The following LRP5 variants were observed in gnomAD, a reference collection of about 807,000 sequenced individuals.
LRP5 encodes the protein LDL receptor related protein 5.
In LRP5, 62 loss-of-function variants were observed where a neutral mutation model predicts 154.1. The ratio of observed to expected loss-of-function variants is 0.40; its 90% confidence interval spans 0.33 to 0.50. The LOEUF (loss-of-function observed/expected upper bound fraction) is 0.50, where lower values mean the gene tolerates loss of function less well. Ranked by LOEUF, LRP5 falls within the 20% of genes least tolerant of loss-of-function variation. The pLI is 0.55. For missense variants in LRP5, 1,915 were observed against 2,336.7 expected (o/e 0.82, Z 3.72); for synonymous variants, 966 against 1,011.5 (o/e 0.96, Z 0.85).
chr11:68,444,257 G>A (rs2153184244), intron 21 of LRP5, among the ~76,000 whole-genome samples: 1 of 152,250 alleles, frequency 6.6e-6, no homozygotes, highest in African/African-American at 2.4e-5. Flanking sequence ...GCTCACACCT[G>A]TCATCCCAGC....
At chr11:68,340,964 G>A (rs1289600178) in intron 1 of LRP5, among the ~76,000 whole-genome samples, 2 of 150,262 alleles carry the variant, frequency 1.3e-5, no homozygotes, top group Non-Finnish European at 3.0e-5. Flanking sequence ...CATGTCGAAC[G>A]TTTTGTTGTT....
chr11:68,420,520 C>A (rs1265601851), intron 13 of LRP5, among the ~76,000 whole-genome samples: 1 of 152,092 alleles, frequency 6.6e-6, no homozygotes, highest in Non-Finnish European at 1.5e-5. Context: ...GCCTGGCCAA[C>A]ATAGTGAAAC....
Position 68,423,072 on chromosome 11 carries a change from C to T in LRP5, c.3028-417C>T, listed in dbSNP as rs1022022974. ...GGAGACAGGGATGTGTTGGGAAGGG[C>T]CCCATGGTCTTGGATCCCTTCTCGA... On this transcript the variant is annotated intron_variant, in intron 13 of 22. Transcript: ENST00000294304. The surrounding 1 kb of genome is among the most constrained non-coding windows in gnomAD (Gnocchi z 4.7). Among the ~76,000 whole-genome samples the T allele has an allele frequency of 2.0e-5, 3 of 152,162 alleles. No homozygotes were observed. Among genetic ancestry groups the T allele is most frequent in the African/African-American group, 7.2e-5 (3 of 41,446 alleles).
At chr11:68,337,717 T>C (rs1461602639) in intron 1 of LRP5, among the ~76,000 whole-genome samples, 2 of 151,286 alleles carry the variant, frequency 1.3e-5, no homozygotes, top group Non-Finnish European at 3.0e-5. Flanking sequence ...TAGTCAGGTC[T>C]ACCTCCTCCA....
chr11:68,375,671 CGG>C (rs1364275926), intron 5 of LRP5, among the ~76,000 whole-genome samples: 1 of 152,232 alleles, frequency 6.6e-6, no homozygotes, highest in Admixed American at 6.5e-5. Flanking sequence ...TGGGAGAGTT[CGG>C]TAACACCTTC....
intron 1 of LRP5, among the ~76,000 whole-genome samples, chr11:68,319,516 A>ATTT (rs1006376015): frequency 2.7e-4 from 38 of 139,730 alleles, no homozygotes; most frequent in Non-Finnish European, 5.7e-4. Context: ...TGCCCAGCCT[A>ATTT]TTTTATTATT....
Position 68,386,760 on chromosome 11 carries a change from C to T in LRP5, c.1412+48C>T, listed in dbSNP as rs73513071. ...CCTGGAGCCAGGGCCAGGCCAAGCA[C>T]AGGCGAGAGGGAGATTGACCTGGAC... is the stretch of plus-strand genomic sequence containing the variant. On this transcript the variant is annotated intron_variant, in intron 6 of 22. Coordinates refer to ENST00000294304, the MANE Select transcript of LRP5 (RefSeq NM_002335.4). The surrounding 1 kb of genome is among the most constrained non-coding windows in gnomAD (Gnocchi z 7.9). 4 of 1,586,538 alleles carry T rather than the reference C, an allele frequency of 2.5e-6. No homozygotes were observed. The highest frequency in any genetic ancestry group is 3.4e-6 in the Non-Finnish European group (4 of 1,164,362).
intron 1 of LRP5, among the ~76,000 whole-genome samples, chr11:68,324,098 C>T (rs1178680947): frequency 3.3e-5 from 5 of 152,310 alleles, no homozygotes; most frequent in African/African-American, 4.8e-5. Context: ...CCGTCCGCTG[C>T]GTCTGCCTCT....
At chr11:68,360,780 G>A (rs1054358041) in intron 3 of LRP5, among the ~76,000 whole-genome samples, 64 of 152,016 alleles carry the variant, frequency 4.2e-4, no homozygotes, top group Admixed American at 9.8e-4. Context: ...GGCGGATTAC[G>A]AGGTCAGGAG....
intron 4 of LRP5, among the ~76,000 whole-genome samples, chr11:68,364,991 T>C (rs1244325143): frequency 6.6e-6 from 1 of 152,204 alleles, no homozygotes; most frequent in African/African-American, 2.4e-5. Flanking sequence ...CAATTGCTGT[T>C]GGTCATAGAA....
intron 5 of LRP5, among the ~76,000 whole-genome samples, chr11:68,385,733 G>A (rs1431381720): frequency 2.6e-5 from 4 of 152,076 alleles, no homozygotes; most frequent in East Asian, 1.9e-4. Flanking sequence ...CAAAGAGGGC[G>A]ATTCACTTGA....
chr11:68,425,706 A>G (rs886924471), intron 15 of LRP5, among the ~76,000 whole-genome samples: 1 of 151,918 alleles, frequency 6.6e-6, no homozygotes, highest in African/African-American at 2.4e-5. Flanking sequence ...GGGTGAAGGG[A>G]GGGGCCATGC....
At chr11:68,414,960 G>A (rs935433408) in intron 12 of LRP5, among the ~76,000 whole-genome samples, 2 of 152,240 alleles carry the variant, frequency 1.3e-5, no homozygotes, top group African/African-American at 2.4e-5. Context: ...AAATGGAGGT[G>A]CAGGTAACCC....
chr11:68,381,044 G>T (rs1480121249), intron 5 of LRP5, among the ~76,000 whole-genome samples: 4 of 152,202 alleles, frequency 2.6e-5, no homozygotes, highest in African/African-American at 9.6e-5. Flanking sequence ...CCACGGTGCT[G>T]GTGTCCTCAT....
chr11:68,299,231 G>T, the LRP5 span, among the ~76,000 whole-genome samples: 1 of 152,194 alleles, frequency 6.6e-6, no homozygotes, highest in Non-Finnish European at 1.5e-5. Context: ...TGGAGGGAAG[G>T]GGCACGTGGA....
At chr11:68,409,063 A>ATATATAT (rs1318843298) in intron 9 of LRP5, among the ~76,000 whole-genome samples, 2 of 27,002 alleles carry the variant, frequency 7.4e-5, no homozygotes, top group East Asian at 6.4e-4. Flanking sequence ...AAAAAAAAAA[A>ATATATAT]AAAAAAAAAA....
chr11:68,325,403 A>T (rs2098599082), intron 1 of LRP5, among the ~76,000 whole-genome samples: 1 of 152,108 alleles, frequency 6.6e-6, no homozygotes. Flanking sequence ...GTTAGTGTGA[A>T]GAGGAGGGGT....
intron 19 of LRP5, among the ~76,000 whole-genome samples, chr11:68,437,877 G>C (rs971604785): frequency 6.6e-6 from 1 of 152,264 alleles, no homozygotes; most frequent in Non-Finnish European, 1.5e-5. Flanking sequence ...CGCCGCCAGA[G>C]CCCGCACGCT....
At chr11:68,312,299 C>T (rs1180335799), upstream of LRP5, among the ~76,000 whole-genome samples, 1 of 151,932 alleles carries the variant, frequency 6.6e-6, no homozygotes, top group African/African-American at 2.4e-5. Flanking sequence ...GCCTCAGTTT[C>T]CCCACTCATA....
Sources: allele counts gnomAD v4.1 joint callset (sites outside exome capture counted in the v4.1 genomes callset), GRCh38; gene constraint gnomAD v4.1.1; non-coding constraint Gnocchi (gnomAD v3.1); transcripts MANE v1.5; gene names NCBI Gene and HGNC (gene_info 2026-07-23, HGNC 2026-07-21).